CCDC178: variants seen among roughly 807,000 people sequenced by gnomAD.
CCDC178 encodes the protein coiled-coil domain-containing protein 178.
In CCDC178, 126 loss-of-function variants were observed where a neutral mutation model predicts 117.4. That is an observed-to-expected ratio of 1.07 (90% CI 0.93 to 1.24). The LOEUF (loss-of-function observed/expected upper bound fraction) is 1.24. Ranked by LOEUF, CCDC178 falls within the 50% of genes most tolerant of loss-of-function variation. The pLI is 0.00. For missense variants in CCDC178, 1,030 were observed against 986.9 expected, an observed-to-expected ratio of 1.04 and a Z score of -0.59; for synonymous variants, 283 against 313.4, an observed-to-expected ratio of 0.90 and a Z score of 1.02.
intron 11 of CCDC178, among the ~76,000 whole-genome samples, chr18:33,310,938 C>A (rs536682928): frequency 1.3e-5 from 2 of 152,120 alleles, no homozygotes; most frequent in Non-Finnish European, 2.9e-5. Context: ...TCTTGCCAGT[C>A]TTCCTCTATG....
At chr18:33,001,943 T>C (rs1284211485) in intron 21 of CCDC178, among the ~76,000 whole-genome samples, 3 of 152,200 alleles carry the variant, frequency 2.0e-5, no homozygotes, top group African/African-American at 7.2e-5. Flanking sequence ...AGAAGGTCAT[T>C]ATATAGTGAT....
At chr18:33,094,928 G>C (rs923671651) in intron 20 of CCDC178, among the ~76,000 whole-genome samples, 1 of 151,928 alleles carries the variant, frequency 6.6e-6, no homozygotes, top group African/African-American at 2.4e-5. Flanking sequence ...GTATAATGAA[G>C]TTTAAGTTTT....
At chr18:33,119,511 C>T (rs1432710780) in intron 20 of CCDC178, among the ~76,000 whole-genome samples, 2 of 152,026 alleles carry the variant, frequency 1.3e-5, no homozygotes, top group Non-Finnish European at 2.9e-5. Context: ...GTTACAATGG[C>T]GATCATTAAA....
chr18:33,380,639 C>T (rs2063428500), intron 5 of CCDC178, among the ~76,000 whole-genome samples: 1 of 152,208 alleles, frequency 6.6e-6, no homozygotes, highest in African/African-American at 2.4e-5. Context: ...GAGTTTCACT[C>T]ACTTTTAACA....
chr18:33,027,371 C>T (rs1040464109), intron 21 of CCDC178, among the ~76,000 whole-genome samples: 15 of 151,392 alleles, frequency 9.9e-5, no homozygotes, highest in African/African-American at 3.4e-4. Context: ...ATAAAAACAA[C>T]CATAACAGTA....
At chr18:33,108,906 A>C (rs1475437672) in intron 20 of CCDC178, among the ~76,000 whole-genome samples, 3 of 151,692 alleles carry the variant, frequency 2.0e-5, no homozygotes, top group Non-Finnish European at 4.4e-5. Flanking sequence ...ATTATAAAAA[A>C]ATTCAGCAAA....
chr18:33,338,804 A>G (rs1599184269), intron 9 of CCDC178, among the ~76,000 whole-genome samples: 1 of 152,126 alleles, frequency 6.6e-6, no homozygotes, highest in East Asian at 1.9e-4. Flanking sequence ...ATGTACAGTG[A>G]TAAGTGCACC....
intron 20 of CCDC178, among the ~76,000 whole-genome samples, chr18:33,103,999 T>C (rs898964556): frequency 2.0e-5 from 3 of 151,754 alleles, no homozygotes; most frequent in African/African-American, 4.8e-5. Flanking sequence ...AGAAACGGAA[T>C]AATAAATTTT....
chr18:33,309,879 C>T (rs1014075174), intron 11 of CCDC178, among the ~76,000 whole-genome samples: 2 of 150,622 alleles, frequency 1.3e-5, no homozygotes, highest in African/African-American at 4.9e-5. Context: ...GCAAACGGAT[C>T]TTATATGGTA....
chr18:33,268,440 C>T (rs2059846143), intron 12 of CCDC178, among the ~76,000 whole-genome samples: 2 of 151,706 alleles, frequency 1.3e-5, no homozygotes, highest in African/African-American at 4.8e-5. Context: ...GGTCTCTATA[C>T]CTCACATCTA....
intron 2 of CCDC178, among the ~76,000 whole-genome samples, chr18:33,418,696 C>A (rs1396821719): frequency 6.6e-6 from 1 of 152,018 alleles, no homozygotes; most frequent in African/African-American, 2.4e-5. Context: ...TATACACCAA[C>A]AACACCCCAG....
At chr18:33,243,244 G>C (rs1168522244) in intron 15 of CCDC178, among the ~76,000 whole-genome samples, 6 of 151,868 alleles carry the variant, frequency 4.0e-5, no homozygotes, top group African/African-American at 1.4e-4. Context: ...ATACTGAAAA[G>C]TGGGGTGGGT....
chr18:32,974,576 C>G lies in CCDC178; in HGVS notation c.2494G>C (p.Glu832Gln), dbSNP rs147677442. ...RLANFQTDSQ[E>Q]SIQKILAVQE... ...ACAGCTAATATTTTCTGAATACTCTCCTGAGAGTCTGTCTGGAAGTTGGCC... is the reference window on the plus strand; with the variant it reads ...ACAGCTAATATTTTCTGAATACTCTGCTGAGAGTCTGTCTGGAAGTTGGCC... Residue 832 changes from glutamate to glutamine, a missense_variant, in exon 22 of 23, where the codon GAG (glutamate) becomes CAG (glutamine). Coordinates refer to ENST00000383096, the MANE Select transcript of CCDC178 (RefSeq NM_001105528.4). 6 of 1,613,712 alleles carry G rather than the reference C, an allele frequency of 3.7e-6. No homozygotes were observed. Among genetic ancestry groups the G allele is most frequent in the Admixed American group, 1.7e-5 (1 of 60,006 alleles).
intron 14 of CCDC178, among the ~76,000 whole-genome samples, chr18:33,253,994 A>G (rs2059647343): frequency 6.6e-6 from 1 of 151,934 alleles, no homozygotes; most frequent in African/African-American, 2.4e-5. Flanking sequence ...TAATTAAAAT[A>G]GTATATAAAG....
chr18:32,963,403 T>A (rs1290160010), intron 22 of CCDC178, among the ~76,000 whole-genome samples: 6 of 152,028 alleles, frequency 3.9e-5, no homozygotes, highest in Non-Finnish European at 7.4e-5. Flanking sequence ...AAGTAATTCT[T>A]CCTATTTCCT....
intron 21 of CCDC178, chr18:32,983,275 A>G: frequency 6.7e-7 from 1 of 1,498,286 alleles, no homozygotes; most frequent in Non-Finnish European, 9.0e-7. Flanking sequence ...AATTCATCAC[A>G]GGTACCTGAA....
chr18:33,440,298 A>ACTGGGGGG (rs2064363368), intron 1 of CCDC178, among the ~76,000 whole-genome samples: 1 of 44,912 alleles, frequency 2.2e-5, no homozygotes, highest in African/African-American at 9.6e-5. Flanking sequence ...GGACTGGGGG[A>ACTGGGGGG]CTGGGGGACT....
intron 20 of CCDC178, among the ~76,000 whole-genome samples, chr18:33,094,109 A>G (rs2057507145): frequency 6.6e-6 from 1 of 152,066 alleles, no homozygotes. Flanking sequence ...GTCAACAAAC[A>G]TATTTCTCAT....
Position 33,370,188 on chromosome 18 carries a change from C to A in CCDC178, c.210G>T (p.Gly70=). The A allele has an allele frequency of 6.3e-7, 1 of 1,590,792 alleles. No homozygotes were observed. The highest frequency in any genetic ancestry group is 8.5e-7 in the Non-Finnish European group (1 of 1,170,542). ...FHESKMTNTE[G]VNKGIYFSYP... ...AGCTAAAGTAAATGCCTTTATTCAC[C>A]CCTAAAGAGAACAAATAGAAGTTCA... is the stretch of plus-strand genomic sequence containing the variant. The change falls in exon 6 of 23, where the codon GGG becomes GGT. Residue 70 remains glycine (G), a splice_region_variant and synonymous_variant. Coordinates refer to ENST00000383096, the MANE Select transcript of CCDC178 (RefSeq NM_001105528.4).
Sources: allele counts gnomAD v4.1 joint callset (sites outside exome capture counted in the v4.1 genomes callset), GRCh38; gene constraint gnomAD v4.1.1; transcripts MANE v1.5; gene names NCBI Gene and HGNC (gene_info 2026-07-23, HGNC 2026-07-21).